TMEM17: variants seen among roughly 807,000 people sequenced by gnomAD.
TMEM17 encodes transmembrane protein 17.
A neutral mutation model predicts 19.1 loss-of-function variants in TMEM17; 15 were observed. The observed-to-expected ratio is 0.78, with a 90% CI of 0.52 to 1.21. The LOEUF is 1.21. Ranked by LOEUF, TMEM17 falls within the 50% of genes most tolerant of loss-of-function variation. The pLI, the probability that TMEM17 is intolerant of heterozygous loss-of-function variation, is 0.00. For synonymous variants in TMEM17, 103 were observed against 86.9 expected (o/e 1.19, Z -1.03); for missense variants, 245 against 242.3 (o/e 1.01, Z -0.07).
chr2:62,486,836 C>T, the TMEM17 span, among the ~76,000 whole-genome samples: 1 of 152,148 alleles, frequency 6.6e-6, no homozygotes, highest in South Asian at 2.1e-4. Flanking sequence ...CAGCTCCAAT[C>T]CCAGCTACAT....
the TMEM17 span, among the ~76,000 whole-genome samples, chr2:62,490,955 TG>T: frequency 6.6e-6 from 1 of 151,862 alleles, no homozygotes; most frequent in African/African-American, 2.4e-5. Flanking sequence ...GGTGTGTGCC[TG>T]TAATCCCAGC....
chr2:62,483,876 C>G, the TMEM17 span, among the ~76,000 whole-genome samples: 1 of 152,266 alleles, frequency 6.6e-6, no homozygotes, highest in East Asian at 1.9e-4. Context: ...ACTGGGATTA[C>G]AGGTGTGAGC....
downstream of TMEM17, among the ~76,000 whole-genome samples, chr2:62,499,538 G>C (rs115844867): frequency 1.3e-5 from 2 of 152,204 alleles, no homozygotes; most frequent in Non-Finnish European, 2.9e-5. Flanking sequence ...AGAAATATTT[G>C]GCTGAACTTT....
the TMEM17 span, among the ~76,000 whole-genome samples, chr2:62,495,041 C>A: frequency 0.67 from 101,963 of 152,080 alleles, 34,499 homozygotes; most frequent in African/African-American, 0.77. Context: ...AAAAGTCTAC[C>A]TTTTTAATGT....
At chr2:62,474,496 A>G in the TMEM17 span, among the ~76,000 whole-genome samples, 2 of 152,224 alleles carry the variant, frequency 1.3e-5, no homozygotes, top group African/African-American at 2.4e-5. Context: ...TAACGTTCCT[A>G]CATAAAATAG....
At chr2:62,483,320 T>C in the TMEM17 span, among the ~76,000 whole-genome samples, 2 of 152,172 alleles carry the variant, frequency 1.3e-5, no homozygotes, top group African/African-American at 4.8e-5. Flanking sequence ...ACAAAGGAAA[T>C]TGTGGGGTGA....
the TMEM17 span, among the ~76,000 whole-genome samples, chr2:62,480,747 C>T: frequency 6.6e-6 from 1 of 152,168 alleles, no homozygotes; most frequent in Non-Finnish European, 1.5e-5. Flanking sequence ...TCTAGGTTCT[C>T]TATTCTGTGC....
the TMEM17 span, among the ~76,000 whole-genome samples, chr2:62,461,102 A>G: frequency 2.6e-5 from 4 of 152,320 alleles, no homozygotes; most frequent in African/African-American, 9.6e-5. Context: ...AGAGGAACTG[A>G]GTCCTGGGCT....
At chr2:62,454,385 C>T in the TMEM17 span, among the ~76,000 whole-genome samples, 1 of 152,154 alleles carries the variant, frequency 6.6e-6, no homozygotes, top group African/African-American at 2.4e-5. Flanking sequence ...GTACTGGCTT[C>T]CATGTTGAGC....
At chr2:62,476,213 T>C in the TMEM17 span, among the ~76,000 whole-genome samples, 25 of 151,276 alleles carry the variant, frequency 1.7e-4, no homozygotes, top group Non-Finnish European at 5.9e-5. Context: ...ATGTATGTTG[T>C]TGCAGAAAAA....
At chr2:62,470,067 G>C in the TMEM17 span, among the ~76,000 whole-genome samples, 2 of 152,190 alleles carry the variant, frequency 1.3e-5, no homozygotes, top group Non-Finnish European at 2.9e-5. Context: ...CCAGCAAGCT[G>C]CTCCTTCCTT....
the TMEM17 span, among the ~76,000 whole-genome samples, chr2:62,462,626 C>A: frequency 6.6e-6 from 1 of 152,188 alleles, no homozygotes; most frequent in Non-Finnish European, 1.5e-5. Flanking sequence ...TCAGGGGAAG[C>A]ACTTGAGCTG....
chr2:62,462,439 C>T, the TMEM17 span, among the ~76,000 whole-genome samples: 2 of 152,154 alleles, frequency 1.3e-5, no homozygotes, highest in Admixed American at 1.3e-4. Context: ...TTGGTCTACC[C>T]CACCCATAGG....
At chr2:62,459,271 G>A in the TMEM17 span, among the ~76,000 whole-genome samples, 1 of 152,242 alleles carries the variant, frequency 6.6e-6, no homozygotes, top group Non-Finnish European at 1.5e-5. Context: ...AGCAGCTGCA[G>A]CTGCAAAGAG....
At chr2:62,495,371 A>T (rs1403324839), downstream of TMEM17, among the ~76,000 whole-genome samples, 2 of 152,226 alleles carry the variant, frequency 1.3e-5, no homozygotes, top group Non-Finnish European at 2.9e-5. Flanking sequence ...GGTTAAACTT[A>T]TATTTAAACA....
At chr2:62,458,528 C>T in the TMEM17 span, among the ~76,000 whole-genome samples, 1 of 152,216 alleles carries the variant, frequency 6.6e-6, no homozygotes, top group Non-Finnish European at 1.5e-5. Context: ...GGACTGATTT[C>T]CCCATCTGCA....
the TMEM17 span, among the ~76,000 whole-genome samples, chr2:62,474,659 G>C: frequency 0.026 from 4,019 of 152,190 alleles, 111 homozygotes; most frequent in South Asian, 0.13. Context: ...ACCCATGGGA[G>C]ACACAGCCCA....
chr2:62,457,931 C>T, the TMEM17 span, among the ~76,000 whole-genome samples: 1 of 152,150 alleles, frequency 6.6e-6, no homozygotes, highest in Non-Finnish European at 1.5e-5. The surrounding 1 kb of genome is among the most constrained non-coding windows in gnomAD (Gnocchi z 4.2). Flanking sequence ...TGTCTCTAGC[C>T]TCAGAGAAAT....
At chr2:62,484,150 TTTGG>T in the TMEM17 span, among the ~76,000 whole-genome samples, 2 of 152,246 alleles carry the variant, frequency 1.3e-5, no homozygotes, top group African/African-American at 4.8e-5. Flanking sequence ...TTCCCAATGA[TTTGG>T]TTGGTGTCTT....
Sources: gnomAD v4.1 joint callset for allele counts (sites outside exome capture counted in the v4.1 genomes callset) on GRCh38, gnomAD v4.1.1 for gene constraint, Gnocchi (gnomAD v3.1) non-coding constraint, MANE v1.5 for transcripts, NCBI Gene and HGNC (gene_info 2026-07-23, HGNC 2026-07-21) for gene names.